The following CSTPP1 variants were observed in gnomAD, a reference collection of about 807,000 sequenced individuals.
CSTPP1 encodes centriolar satellite-associated tubulin polyglutamylase complex regulator 1, also known as UPF0705 protein C11orf49.
chr11:47,141,640 A>G, the CSTPP1 span, among the ~76,000 whole-genome samples: 1 of 150,602 alleles, frequency 6.6e-6, no homozygotes, highest in African/African-American at 2.4e-5. Context: ...GTAGAATTGT[A>G]TATGTGGTCT....
At chr11:47,085,141 T>C in the CSTPP1 span, among the ~76,000 whole-genome samples, 1 of 151,852 alleles carries the variant, frequency 6.6e-6, no homozygotes, top group Non-Finnish European at 1.5e-5. Flanking sequence ...GAGGCAGAGG[T>C]TGCAGTGAGC....
chr11:46,986,129 AT>A, the CSTPP1 span, among the ~76,000 whole-genome samples: 1 of 152,352 alleles, frequency 6.6e-6, no homozygotes, highest in South Asian at 2.1e-4. Context: ...GTTAAATTAT[AT>A]TGCTTTTCAC....
the CSTPP1 span, among the ~76,000 whole-genome samples, chr11:47,074,864 C>T: frequency 3.3e-5 from 5 of 152,184 alleles, no homozygotes; most frequent in Middle Eastern, 3.2e-3. Context: ...CCTCATTCAT[C>T]GATTCGTTTA....
the CSTPP1 span, among the ~76,000 whole-genome samples, chr11:47,113,579 TTTGCATTTC>T: frequency 3.7e-4 from 57 of 152,250 alleles, no homozygotes; most frequent in African/African-American, 1.4e-3. Context: ...ATGGTTTTGA[TTTGCATTTC>T]TCTGATGACC....
chr11:47,093,185 T>A, the CSTPP1 span, among the ~76,000 whole-genome samples: 11 of 152,300 alleles, frequency 7.2e-5, no homozygotes, highest in African/African-American at 2.2e-4. Context: ...TGGGGAGATA[T>A]AAGTGTAATA....
chr11:46,981,131 A>G, the CSTPP1 span, among the ~76,000 whole-genome samples: 1 of 152,280 alleles, frequency 6.6e-6, no homozygotes, highest in African/African-American at 2.4e-5. Context: ...AACACAGCCC[A>G]GTTTATTATA....
the CSTPP1 span, among the ~76,000 whole-genome samples, chr11:47,043,220 G>C: frequency 6.6e-6 from 1 of 152,096 alleles, no homozygotes; most frequent in Non-Finnish European, 1.5e-5. Context: ...AAAAAGTTAT[G>C]ACTGCTACCT....
At chr11:47,096,811 GAA>G in the CSTPP1 span, among the ~76,000 whole-genome samples, 164 of 118,112 alleles carry the variant, frequency 1.4e-3, 5 homozygotes, top group East Asian at 0.028. Context: ...AGGCCCAGCA[GAA>G]AAAAAAAAAA....
chr11:46,948,459 T>C, the CSTPP1 span, among the ~76,000 whole-genome samples: 2 of 152,114 alleles, frequency 1.3e-5, no homozygotes, highest in Non-Finnish European at 2.9e-5. Flanking sequence ...CTGGAGGAAA[T>C]TGCACAGAAG....
the CSTPP1 span, among the ~76,000 whole-genome samples, chr11:47,029,983 C>T: frequency 1.3e-5 from 2 of 151,592 alleles, no homozygotes; most frequent in South Asian, 2.1e-4. Flanking sequence ...GAAAATTAGC[C>T]GGGCATGGTG....
chr11:47,015,367 A>G, the CSTPP1 span, among the ~76,000 whole-genome samples: 1 of 151,872 alleles, frequency 6.6e-6, no homozygotes, highest in South Asian at 2.1e-4. Context: ...CCAGCTACTC[A>G]GGAGGCTGAG....
At chr11:47,087,160 T>TA in the CSTPP1 span, among the ~76,000 whole-genome samples, 2 of 152,186 alleles carry the variant, frequency 1.3e-5, no homozygotes, top group Admixed American at 6.5e-5. Flanking sequence ...CAAGCTTTTT[T>TA]AAAAAATCAT....
chr11:47,097,610 C>T, the CSTPP1 span, among the ~76,000 whole-genome samples: 1 of 112,052 alleles, frequency 8.9e-6, no homozygotes, highest in Admixed American at 8.4e-5. Context: ...CCCGGCCAGC[C>T]GCCCCGTCCG....
chr11:47,008,014 C>A, the CSTPP1 span, among the ~76,000 whole-genome samples: 1 of 152,022 alleles, frequency 6.6e-6, no homozygotes, highest in Non-Finnish European at 1.5e-5. Context: ...GTCGCCCAGG[C>A]TGGAGTGCAG....
the CSTPP1 span, chr11:47,159,535 CGA>C: frequency 5.0e-5 from 21 of 420,838 alleles, no homozygotes; most frequent in African/African-American, 6.3e-5. Flanking sequence ...CAAAAACAGG[CGA>C]GAGTCAGGAA....
the CSTPP1 span, among the ~76,000 whole-genome samples, chr11:46,983,374 TATCTC>T: frequency 2.0e-5 from 3 of 152,206 alleles, no homozygotes; most frequent in Admixed American, 2.0e-4. Flanking sequence ...TCTAAATGCT[TATCTC>T]AGACAGTGAT....
At chr11:47,016,408 A>C in the CSTPP1 span, among the ~76,000 whole-genome samples, 1 of 150,522 alleles carries the variant, frequency 6.6e-6, no homozygotes, top group Admixed American at 6.6e-5. Flanking sequence ...AAAAAACAAA[A>C]AACAAAAAAA....
At chr11:47,032,311 A>T in the CSTPP1 span, among the ~76,000 whole-genome samples, 1 of 152,168 alleles carries the variant, frequency 6.6e-6, no homozygotes, top group Non-Finnish European at 1.5e-5. Context: ...TTCCAGTGAA[A>T]CCAAATTTTA....
At chr11:47,063,304 A>G in the CSTPP1 span, among the ~76,000 whole-genome samples, 1 of 152,276 alleles carries the variant, frequency 6.6e-6, no homozygotes, top group Non-Finnish European at 1.5e-5. Context: ...TAATTTGAGA[A>G]ATCTTTTTTA....
Sources: allele counts gnomAD v4.1 joint callset (sites outside exome capture counted in the v4.1 genomes callset), GRCh38; gene constraint gnomAD v4.1.1; transcripts MANE v1.5; gene names NCBI Gene and HGNC (gene_info 2026-07-23, HGNC 2026-07-21).